Variants in POLD1 observed in about 807,000 individuals in gnomAD.
POLD1 encodes the protein DNA polymerase delta catalytic subunit.
Under a neutral mutation model 129.7 loss-of-function variants are expected in POLD1, and 79 were observed. That is an observed-to-expected ratio of 0.61 (90% CI 0.51 to 0.73). The LOEUF is 0.73. POLD1 is among the 30% of genes least tolerant of loss of function. The pLI, the probability that POLD1 is intolerant of heterozygous loss-of-function variation, is 0.00. For missense variants in POLD1, 1,338 were observed against 1,595.8 expected, an observed-to-expected ratio of 0.84 and a Z score of 2.75; for synonymous variants, 714 against 683.3, an observed-to-expected ratio of 1.04 and a Z score of -0.70.
intron 3 of POLD1, among the ~76,000 whole-genome samples, chr19:50,400,763 C>A (rs945668341): frequency 2.0e-5 from 3 of 149,702 alleles, no homozygotes; most frequent in Admixed American, 6.7e-5. Flanking sequence ...GTGGCGCGAT[C>A]TCGGCTCACT....
chr19:50,385,646 A>G (rs1398256279), intron 1 of POLD1, among the ~76,000 whole-genome samples: 1 of 150,198 alleles, frequency 6.7e-6, no homozygotes, highest in Non-Finnish European at 1.5e-5. Flanking sequence ...CTCGTGCCTC[A>G]GCCTCCTGAG....
rs953362966 is a variant in POLD1 at position 50,406,540 on chromosome 19, C to G, written c.1494+23C>G. ...CAGGTGCCTGCTGCCTCCCTGACCT[C>G]TCACCCCAACCTCTGACCTCCACCT... is the stretch of plus-strand genomic sequence containing the variant. On this transcript the variant is annotated intron_variant, in intron 12 of 26. Coordinates refer to ENST00000440232, the MANE Select transcript of POLD1 (RefSeq NM_002691.4). The surrounding 1 kb of genome is among the most constrained non-coding windows in gnomAD (Gnocchi z 5.5). The G allele has an allele frequency of 6.6e-7, 1 of 1,518,448 alleles. No individual in the cohort carries two copies. The highest frequency in any genetic ancestry group is 1.2e-5 in the South Asian group (1 of 83,828). 94.1% of individuals were successfully genotyped at this position (1,518,448 alleles called of 1,614,324 possible).
intron 10 of POLD1, among the ~76,000 whole-genome samples, chr19:50,405,580 GA>G (rs1480758369): frequency 6.6e-6 from 1 of 152,074 alleles, no homozygotes; most frequent in African/African-American, 2.4e-5. Context: ...GAGAAAACAA[GA>G]AAAAATCCAT....
intron 3 of POLD1, among the ~76,000 whole-genome samples, chr19:50,401,478 C>T (rs1268648736): frequency 6.9e-6 from 1 of 143,996 alleles, no homozygotes; most frequent in South Asian, 2.2e-4. Context: ...TGGGCTCTAG[C>T]GATCCTCCCG....
rs908235526 is a variant in POLD1 at position 50,396,621 on chromosome 19, G to A, written c.-1-2230G>A. On this transcript the variant is annotated intron_variant, in intron 1 of 26. Transcript: ENST00000440232. Reference sequence around the variant, plus strand: ...GCCTCATGAGTAGCTGGGACTACAGGCGCCCACCACCATGCCCGGCTAATT... The same window carrying A: ...GCCTCATGAGTAGCTGGGACTACAGACGCCCACCACCATGCCCGGCTAATT... Among the ~76,000 whole-genome samples the A allele has an allele frequency of 5.9e-5, 9 of 151,604 alleles. 1 individual carries two copies. The highest frequency in any genetic ancestry group is 5.9e-4 in the Admixed American group (9 of 15,210).
At chr19:50,389,730 G>T (rs2038088961) in intron 1 of POLD1, among the ~76,000 whole-genome samples, 1 of 151,574 alleles carries the variant, frequency 6.6e-6, no homozygotes, top group South Asian at 2.1e-4. Context: ...GGAATTACAG[G>T]CATGCACCAC....
intron 17 of POLD1, chr19:50,410,990 C>G (rs1019825673): frequency 1.2e-4 from 16 of 132,860 alleles, no homozygotes; most frequent in Non-Finnish European, 1.5e-4. Context: ...CAGAGTCTCA[C>G]TCTCTCACCC....
rs370970182 is a variant in POLD1 at position 50,415,429 on chromosome 19, C to T, written c.2565-9C>T. The T allele has an allele frequency of 7.1e-5, 114 of 1,610,776 alleles. No homozygotes were observed. The highest frequency in any genetic ancestry group is 9.3e-5 in the African/African-American group (7 of 74,880). On this transcript the variant is annotated splice_polypyrimidine_tract_variant and intron_variant, in intron 20 of 26. Transcript: ENST00000440232. ...TTTTGGTGACGCTGTGCGGCCCGCT[C>T]TCCTACAGAGACCCTGAGGGCGCGG... is the stretch of plus-strand genomic sequence containing the variant.
rs1410091403 is a variant in POLD1 at position 50,406,927 on chromosome 19, G to C, written c.1495-56G>C. ...ACCCTGACCCCCACTTCCTTCTCCT[G>C]CTCCACCTCCCACCCCCAACCCCTG... On this transcript the variant is annotated intron_variant, in intron 12 of 26. Coordinates refer to ENST00000440232, the MANE Select transcript of POLD1 (RefSeq NM_002691.4). This position sits in a 1 kb window ranked among gnomAD's most constrained non-coding sequence, Gnocchi z 5.5. 4.4e-6 allele frequency: 6 copies of C among 1,363,678 alleles called. No homozygotes were observed. The African/African-American group carries it at 8.7e-5, about 20-fold the overall frequency. 84.5% of individuals were successfully genotyped at this position (1,363,678 alleles called of 1,614,324 possible).
At chr19:50,401,065 AT>A (rs1211385340) in intron 3 of POLD1, among the ~76,000 whole-genome samples, 1 of 151,386 alleles carries the variant, frequency 6.6e-6, no homozygotes, top group Non-Finnish European at 1.5e-5. Flanking sequence ...AGGCAGGCTG[AT>A]CACTTGAGGA....
At chr19:50,396,774 T>C (rs1480574757) in intron 1 of POLD1, among the ~76,000 whole-genome samples, 1 of 151,832 alleles carries the variant, frequency 6.6e-6, no homozygotes, top group Non-Finnish European at 1.5e-5. Context: ...GCTCCCAGCC[T>C]CCAAAATAAT....
intron 6 of POLD1, 26 bp from the exon 7 acceptor site, chr19:50,402,428 G>A: frequency 6.2e-7 from 1 of 1,612,894 alleles, no homozygotes; most frequent in Non-Finnish European, 8.5e-7. Context: ...GGCAGCCCCT[G>A]TCCACTGACC....
chr19:50,397,885 T>A (rs1568613509), intron 1 of POLD1, among the ~76,000 whole-genome samples: 1 of 152,190 alleles, frequency 6.6e-6, no homozygotes, highest in Non-Finnish European at 1.5e-5. Flanking sequence ...TTATTTTATA[T>A]CAACCTTGAG....
In POLD1 at chr19:50,401,839, C is replaced by T. The variant is rs145324823; in HGVS notation, c.378C>T (p.Arg126=). Residue 126 remains arginine, a synonymous_variant, in exon 4 of 27, where the codon CGC becomes CGT. Transcript: ENST00000440232. ...CCCGCGGCTCCGTGCCTGTGCTCCGCGCCTTCGGGGTCACCGATGAGGGGT... is the reference window on the plus strand; with the variant it reads ...CCCGCGGCTCCGTGCCTGTGCTCCGTGCCTTCGGGGTCACCGATGAGGGGT... ...PPSRGSVPVL[R]AFGVTDEGFS... is the part of the protein sequence containing the mutation. The T allele has an allele frequency of 2.0e-3, 3,178 of 1,613,886 alleles. 5 individuals are homozygous for T. The highest frequency in any genetic ancestry group is 2.1e-3 in the Non-Finnish European group (2,524 of 1,179,922).
Position 50,409,028 on chromosome 19 carries a change from C to T in POLD1, c.1893-94C>T, listed in dbSNP as rs1487155284. On this transcript the variant is annotated intron_variant, in intron 15 of 26. Coordinates refer to ENST00000440232, the MANE Select transcript of POLD1 (RefSeq NM_002691.4). The surrounding 1 kb of genome is among the most constrained non-coding windows in gnomAD (Gnocchi z 5.8). ...GGGAGTGGAGGGGTGCTTGAGGGGC[C>T]TGCGTGTGCTCATGGCCAAGGCCAG... 7.6e-7 allele frequency: 1 copy of T among 1,315,882 alleles called. No individual in the cohort carries two copies. Among genetic ancestry groups the T allele is most frequent in the Non-Finnish European group, 1.1e-6 (1 of 922,100 alleles). The allele number at this position is 1,315,882 out of a possible 1,614,324, so 81.5% of individuals were successfully genotyped here.
chr19:50,409,114 C>T lies in POLD1; in HGVS notation c.1893-8C>T. 1 of 1,598,084 alleles carries T rather than the reference C, an allele frequency of 6.3e-7. No homozygotes were observed. Among genetic ancestry groups the T allele is most frequent in the Non-Finnish European group, 8.6e-7 (1 of 1,165,694 alleles). On this transcript the variant is annotated splice_region_variant and splice_polypyrimidine_tract_variant and intron_variant, in intron 15 of 26. Transcript: ENST00000440232. This position sits in a 1 kb window ranked among gnomAD's most constrained non-coding sequence, Gnocchi z 5.8. The stretch of plus-strand genomic sequence containing the variant: ...GGCCGGCAGTCACCCCAACATCTTC[C>T]AACCCAGCCTGACTGAGGATCAGTT...
In POLD1 at chr19:50,417,145, G is replaced by A. The variant is rs760961826; in HGVS notation, c.3121-27G>A. 1.3e-5 allele frequency: 20 copies of A among 1,574,080 alleles called. No individual in the cohort carries two copies. The highest frequency in any genetic ancestry group is 1.0e-4 in the South Asian group (9 of 86,792). ...AGGGGCCAGGTGGGGAGGCGGGGGCGCCCTGCTCAGCCGCTGCCGTCCCCA... is the reference window on the plus strand; with the variant it reads ...AGGGGCCAGGTGGGGAGGCGGGGGCACCCTGCTCAGCCGCTGCCGTCCCCA... On this transcript the variant is annotated intron_variant, in intron 25 of 26. Coordinates refer to ENST00000440232, the MANE Select transcript of POLD1 (RefSeq NM_002691.4).
chr19:50,399,172 C>T (rs1394309011), intron 2 of POLD1, 119 bp downstream of exon 2: 2 of 1,443,334 alleles, frequency 1.4e-6, no homozygotes, highest in South Asian at 2.5e-5. Flanking sequence ...TTGAATCCTA[C>T]AAAGGACTGC....
At chr19:50,414,718 C>A in intron 19 of POLD1, 97 bp from the exon 20 acceptor site, 1 of 1,006,216 alleles carries the variant, frequency 9.9e-7, no homozygotes, top group Non-Finnish European at 1.4e-6. Context: ...CCTCAAACTG[C>A]GTCTGGGACC....
Sources: allele counts gnomAD v4.1 joint callset (sites outside exome capture counted in the v4.1 genomes callset), GRCh38; gene constraint gnomAD v4.1.1; non-coding constraint Gnocchi (gnomAD v3.1); transcripts MANE v1.5; gene names NCBI Gene and HGNC (gene_info 2026-07-23, HGNC 2026-07-21).